Variants in NEK10 observed in about 807,000 individuals in gnomAD.
NEK10 encodes NIMA related kinase 10.
In NEK10, 122 loss-of-function variants were observed where a neutral mutation model predicts 159.8. The ratio of observed to expected loss-of-function variants is 0.76; its 90% CI spans 0.66 to 0.89. The LOEUF (loss-of-function observed/expected upper bound fraction) is 0.89. Among genes scored for constraint, NEK10 ranks in the 40% least tolerant of loss-of-function variants. The pLI is 0.00. For synonymous variants in NEK10, 466 were observed against 457.1 expected (o/e 1.02, Z -0.25); for missense variants, 1,342 against 1,323.1 (o/e 1.01, Z -0.22).
At chr3:27,162,401 A>G (rs376478621) in intron 30 of NEK10, 4 of 1,589,412 alleles carry the variant, frequency 2.5e-6, no homozygotes, top group Admixed American at 1.7e-5. Flanking sequence ...CTCAGGCCCA[A>G]CTATAATTCT....
At chr3:27,286,205 T>C (rs1305675620) in intron 20 of NEK10, among the ~76,000 whole-genome samples, 13 of 135,920 alleles carry the variant, frequency 9.6e-5, no homozygotes, top group East Asian at 2.3e-4. Flanking sequence ...CCTGCCTCAG[T>C]CTCCCAAGTA....
At chr3:27,331,262 A>AAAACAAAAAAAC in intron 5 of NEK10, among the ~76,000 whole-genome samples, 1 of 110,082 alleles carries the variant, frequency 9.1e-6, no homozygotes, top group Non-Finnish European at 2.0e-5. Context: ...AAAAAAAAAA[A>AAAACAAAAAAAC]ACACACAAAC....
At chr3:27,285,780 C>T (rs1227359010) in intron 20 of NEK10, among the ~76,000 whole-genome samples, 1 of 152,100 alleles carries the variant, frequency 6.6e-6, no homozygotes, top group Non-Finnish European at 1.5e-5. Flanking sequence ...GAATCATGTT[C>T]TGTAATTTAT....
chr3:27,311,607 G>A (rs1390740891), intron 8 of NEK10: 1 of 172,922 alleles, frequency 5.8e-6, no homozygotes, highest in African/African-American at 2.4e-5. Context: ...GGACAGCAGG[G>A]CTGGGAAGAG....
chr3:27,366,807 A>ATT (rs3060370), intron 1 of NEK10, among the ~76,000 whole-genome samples: 12,013 of 109,470 alleles, frequency 0.11, 1,131 homozygotes, highest in African/African-American at 0.23. Flanking sequence ...CAGTGTGTTC[A>ATT]TTTTTTTTTT....
intron 5 of NEK10, among the ~76,000 whole-genome samples, chr3:27,328,618 G>A (rs139947624): frequency 0.011 from 1,726 of 152,248 alleles, 15 homozygotes; most frequent in South Asian, 0.031. Flanking sequence ...GAGCTTTAAC[G>A]GCCTTGTAAA....
At chr3:27,301,338 T>A (rs1358629005) in intron 13 of NEK10, among the ~76,000 whole-genome samples, 2 of 152,182 alleles carry the variant, frequency 1.3e-5, no homozygotes, top group African/African-American at 4.8e-5. Context: ...TTCCCCCTTA[T>A]GTAGGGTGCC....
intron 32 of NEK10, among the ~76,000 whole-genome samples, chr3:27,127,876 C>T (rs1456425731): frequency 6.6e-6 from 1 of 152,102 alleles, no homozygotes; most frequent in East Asian, 1.9e-4. Flanking sequence ...CTTTCTCTCC[C>T]TTTTCTTCCC....
chr3:27,354,042 A>G (rs1476294785), intron 1 of NEK10, among the ~76,000 whole-genome samples: 1 of 152,194 alleles, frequency 6.6e-6, no homozygotes, highest in Non-Finnish European at 1.5e-5. Flanking sequence ...AAATAAATGG[A>G]AATCCATTCA....
At chr3:27,278,392 C>T (rs2041918724) in intron 22 of NEK10, among the ~76,000 whole-genome samples, 1 of 152,190 alleles carries the variant, frequency 6.6e-6, no homozygotes, top group Admixed American at 6.5e-5. Flanking sequence ...CAGACGTTTT[C>T]CCCATAGGAC....
chr3:27,138,860 G>C (rs1417503158), intron 31 of NEK10, among the ~76,000 whole-genome samples: 1 of 152,192 alleles, frequency 6.6e-6, no homozygotes, highest in Non-Finnish European at 1.5e-5. Context: ...TGCCTTGGAA[G>C]CCCAAATAGC....
At position 27,365,619 on chromosome 3, in the gene NEK10, T is replaced by TTTG. The variant is rs1553655354; in HGVS notation, c.-38+3605_-38+3606insCAA. The stretch of plus-strand genomic sequence containing the variant: ...TGTGTTTTTTTTTTGTGTTTTTTTT[T>TTTG]TTTTTTTTTTTGAGATGGAGTCTTG... On this transcript the variant is annotated intron_variant, in intron 1 of 35. Transcript: ENST00000691995. Among the ~76,000 whole-genome samples the TTTG allele has an allele frequency of 6.4e-3, 878 of 137,856 alleles. 8 individuals carry two copies. The highest frequency in any genetic ancestry group is 0.023 in the African/African-American group (837 of 36,258). The allele number at this position is 137,856 out of a possible 152,430, so 90.4% of individuals were successfully genotyped here.
intron 32 of NEK10, among the ~76,000 whole-genome samples, chr3:27,127,224 A>G (rs916072934): frequency 6.6e-6 from 1 of 152,108 alleles, no homozygotes; most frequent in African/African-American, 2.4e-5. Flanking sequence ...ATATCATACT[A>G]TCCGTAATAT....
intron 5 of NEK10, among the ~76,000 whole-genome samples, chr3:27,331,242 AAAAAAAAAC>A (rs1276822359): frequency 2.5e-5 from 3 of 120,062 alleles, no homozygotes; most frequent in African/African-American, 2.6e-5. Flanking sequence ...TGTCTCAAAA[AAAAAAAAAC>A]AAAAAAAAAA....
At chr3:27,247,638 C>A (rs921352080) in intron 23 of NEK10, among the ~76,000 whole-genome samples, 3 of 152,016 alleles carry the variant, frequency 2.0e-5, no homozygotes, top group Non-Finnish European at 4.4e-5. Context: ...TGGACTAAAT[C>A]ATTCCTCCCG....
At chr3:27,172,160 C>T (rs1479755108) in intron 28 of NEK10, among the ~76,000 whole-genome samples, 2 of 151,330 alleles carry the variant, frequency 1.3e-5, no homozygotes, top group African/African-American at 4.9e-5. Flanking sequence ...AACATGAAAC[C>T]CCGTCCCTAC....
intron 14 of NEK10, among the ~76,000 whole-genome samples, chr3:27,296,006 A>G (rs1428126100): frequency 1.3e-5 from 2 of 152,178 alleles, no homozygotes; most frequent in African/African-American, 4.8e-5. Context: ...AGGTGTCCCA[A>G]TATCTTAGAT....
At chr3:27,149,236 T>C (rs556088562) in intron 30 of NEK10, among the ~76,000 whole-genome samples, 2 of 152,226 alleles carry the variant, frequency 1.3e-5, no homozygotes, top group Admixed American at 6.5e-5. Context: ...TATACAGTGA[T>C]GGGTCTAAAT....
At chr3:27,245,979 T>C (rs1433283682) in intron 23 of NEK10, among the ~76,000 whole-genome samples, 3 of 152,096 alleles carry the variant, frequency 2.0e-5, no homozygotes, top group Non-Finnish European at 4.4e-5. Flanking sequence ...GGAAATCTAG[T>C]GCTTATGATT....
Sources: allele counts gnomAD v4.1 joint callset (sites outside exome capture counted in the v4.1 genomes callset), GRCh38; gene constraint gnomAD v4.1.1; transcripts MANE v1.5; gene names NCBI Gene and HGNC (gene_info 2026-07-23, HGNC 2026-07-21).